Variants in ERG observed in about 807,000 individuals in gnomAD.
ERG encodes the protein transcriptional regulator ERG.
A neutral mutation model predicts 55.3 loss-of-function variants in ERG; 9 were observed. The observed-to-expected ratio is 0.16, with a 90% confidence interval of 0.10 to 0.28. The LOEUF is 0.28. Among genes scored for constraint, ERG ranks in the 10% least tolerant of loss-of-function variants. The pLI is 1.00. For synonymous variants in ERG, 223 were observed against 237.3 expected, an observed-to-expected ratio of 0.94 and a Z score of 0.55; for missense variants, 434 against 631.6, an observed-to-expected ratio of 0.69 and a Z score of 3.35.
chr21:38,609,857 T>C (rs2060215890), intron 1 of ERG, among the ~76,000 whole-genome samples: 1 of 152,272 alleles, frequency 6.6e-6, no homozygotes, highest in South Asian at 2.1e-4. Context: ...GCTGTGTTTC[T>C]TCAAAAAGAC....
At chr21:38,550,324 C>T (rs950693158) in intron 2 of ERG, among the ~76,000 whole-genome samples, 2 of 152,076 alleles carry the variant, frequency 1.3e-5, no homozygotes, top group Non-Finnish European at 2.9e-5. Context: ...GATGGAGGCC[C>T]ATGAGATGTG....
chr21:38,466,360 G>A (rs2059090361), intron 1 of ERG, among the ~76,000 whole-genome samples: 1 of 148,206 alleles, frequency 6.7e-6, no homozygotes, highest in African/African-American at 2.5e-5. Context: ...TATATATGAT[G>A]TATATATGAT....
At chr21:38,419,892 C>T (rs1254839379) in intron 3 of ERG, among the ~76,000 whole-genome samples, 1 of 152,202 alleles carries the variant, frequency 6.6e-6, no homozygotes, top group Non-Finnish European at 1.5e-5. Flanking sequence ...CAAAGCCCCC[C>T]AGCTCCTCTG....
Position 38,471,504 on chromosome 21 carries a change from C to G in ERG, c.19-25883G>C, listed in dbSNP as rs566637870. 16 of 152,336 alleles carry G rather than the reference C, an allele frequency of 1.1e-4. No homozygotes were observed. The East Asian group carries it at 2.9e-3, about 28-fold the overall frequency. 9.4% of individuals were successfully genotyped at this position (152,336 alleles called of 1,614,324 possible). ...GACCAAAGTCTCATTCACTCTGGGACATATCCAGTTACATAAATCATTTAT... is the reference window on the plus strand; with the variant it reads ...GACCAAAGTCTCATTCACTCTGGGAGATATCCAGTTACATAAATCATTTAT... On this transcript the variant is annotated intron_variant, in intron 1 of 9. Coordinates refer to ENST00000288319, the MANE Select transcript of ERG (RefSeq NM_182918.4).
intron 2 of ERG, among the ~76,000 whole-genome samples, chr21:38,571,524 A>C (rs554602511): frequency 6.6e-6 from 1 of 151,796 alleles, no homozygotes; most frequent in Admixed American, 6.6e-5. Flanking sequence ...AAAAATAAAT[A>C]AAAATAAATA....
At chr21:38,544,190 C>T (rs8127962) in intron 2 of ERG, among the ~76,000 whole-genome samples, 66 of 152,238 alleles carry the variant, frequency 4.3e-4, no homozygotes, top group African/African-American at 1.5e-3. Context: ...GTGAGGAATA[C>T]CAAGAATGTT....
At chr21:38,624,899 A>T (rs1040663551) in intron 1 of ERG, among the ~76,000 whole-genome samples, 2 of 152,242 alleles carry the variant, frequency 1.3e-5, no homozygotes, top group African/African-American at 4.8e-5. Flanking sequence ...AATATGCCTT[A>T]TTATTTTAAT....
chr21:38,493,313 G>C (rs2059352265), intron 1 of ERG, among the ~76,000 whole-genome samples: 1 of 152,038 alleles, frequency 6.6e-6, no homozygotes, highest in Admixed American at 6.6e-5. Flanking sequence ...CAAAAATTTT[G>C]CTTATCAAAA....
At chr21:38,610,911 C>T (rs530889796) in intron 1 of ERG, among the ~76,000 whole-genome samples, 1 of 152,316 alleles carries the variant, frequency 6.6e-6, no homozygotes, top group South Asian at 2.1e-4. Flanking sequence ...GAAAGTGTTT[C>T]ACACAGAGGA....
At chr21:38,552,733 C>A (rs2059831921) in intron 2 of ERG, among the ~76,000 whole-genome samples, 1 of 150,986 alleles carries the variant, frequency 6.6e-6, no homozygotes, top group Non-Finnish European at 1.5e-5. Flanking sequence ...CTGTACTGAA[C>A]AGGAAAAGCT....
intron 2 of ERG, 141 bp downstream of exon 2, chr21:38,445,263 T>TCCC (rs2058880670): frequency 1.5e-6 from 1 of 653,722 alleles, no homozygotes; most frequent in Non-Finnish European, 2.7e-6. Flanking sequence ...TGCCTCAGGC[T>TCCC]CCCGAGTAGC....
At chr21:38,490,641 T>C (rs2059327627) in intron 1 of ERG, among the ~76,000 whole-genome samples, 1 of 152,240 alleles carries the variant, frequency 6.6e-6, no homozygotes, top group African/African-American at 2.4e-5. Context: ...CCCTGCGTCC[T>C]GGCAGCAGCA....
At chr21:38,605,038 C>T (rs554920300) in intron 1 of ERG, among the ~76,000 whole-genome samples, 1 of 152,090 alleles carries the variant, frequency 6.6e-6, no homozygotes, top group East Asian at 1.9e-4. Flanking sequence ...TCCATCTGTC[C>T]TCTCTTCCAG....
upstream of ERG, among the ~76,000 whole-genome samples, chr21:38,500,791 G>A (rs561161494): frequency 7.2e-5 from 11 of 152,212 alleles, no homozygotes; most frequent in East Asian, 1.9e-4. Context: ...GTTTTACTGC[G>A]TCTAATTTTG....
intron 1 of ERG, among the ~76,000 whole-genome samples, chr21:38,611,597 G>A (rs1482881730): frequency 2.0e-5 from 3 of 152,150 alleles, no homozygotes; most frequent in Non-Finnish European, 2.9e-5. Context: ...TCACTCCAGT[G>A]TCAGTCTTTC....
downstream of ERG, chr21:38,379,901 G>A (rs1169635386): frequency 2.3e-6 from 1 of 431,140 alleles, no homozygotes; most frequent in Non-Finnish European, 3.1e-6. Flanking sequence ...GTACTCTCAT[G>A]TTGCCCAGGC....
chr21:38,634,942 A>G (rs907682567), intron 1 of ERG, among the ~76,000 whole-genome samples: 1 of 152,230 alleles, frequency 6.6e-6, no homozygotes, highest in Non-Finnish European at 1.5e-5. Flanking sequence ...AGTGTGGCAC[A>G]TCAAGACAAT....
intron 2 of ERG, among the ~76,000 whole-genome samples, chr21:38,537,967 T>C (rs1440879956): frequency 6.6e-6 from 1 of 152,136 alleles, no homozygotes; most frequent in Non-Finnish European, 1.5e-5. Context: ...TCTTCAGCCT[T>C]AGAAAAGGAG....
In ERG at chr21:38,382,461, G is replaced by A. The variant is rs1987489961; in HGVS notation, c.*942C>T. The A allele has an allele frequency of 9.4e-7, 1 of 1,063,074 alleles. No individual in the cohort carries two copies. Among genetic ancestry groups the A allele is most frequent in the Non-Finnish European group, 1.1e-6 (1 of 877,634 alleles). 65.9% of individuals were successfully genotyped at this position (1,063,074 alleles called of 1,614,324 possible). A position where few individuals can be genotyped will look rare whatever the true frequency, so the allele number is the denominator to read the frequency against. ...ACAATTCCAGTTAAAATTTTCATTT[G>A]ACAAACAAAGAAAGAGATGCGCATT... On this transcript the variant is annotated 3_prime_UTR_variant, in exon 10 of 10. Transcript: ENST00000288319.
Sources: gnomAD v4.1 joint callset for allele counts (sites outside exome capture counted in the v4.1 genomes callset) on GRCh38, gnomAD v4.1.1 for gene constraint, MANE v1.5 for transcripts, NCBI Gene and HGNC (gene_info 2026-07-23, HGNC 2026-07-21) for gene names.